The following FOXN3 variants were observed in gnomAD, a reference collection of about 807,000 sequenced individuals.
FOXN3 encodes forkhead box protein N3.
A neutral mutation model predicts 38.4 loss-of-function variants in FOXN3; 7 were observed. The observed-to-expected ratio is 0.18, with a 90% CI of 0.10 to 0.34. The LOEUF (loss-of-function observed/expected upper bound fraction) is 0.34. Ranked by LOEUF, FOXN3 falls within the 10% of genes least tolerant of loss-of-function variation. The pLI is 1.00. For synonymous variants in FOXN3, 230 were observed against 242.2 expected (o/e 0.95, Z 0.47); for missense variants, 456 against 613.4 (o/e 0.74, Z 2.71).
upstream of FOXN3, chr14:89,419,192 G>C (rs901968400): frequency 1.3e-5 from 6 of 455,960 alleles, no homozygotes; most frequent in Non-Finnish European, 2.6e-5. Context: ...GTGTCACCCT[G>C]AAGAGGAAGT....
intron 2 of FOXN3, among the ~76,000 whole-genome samples, chr14:89,369,901 T>C (rs1186818832): frequency 1.3e-5 from 2 of 152,216 alleles, no homozygotes; most frequent in Admixed American, 6.5e-5. Context: ...AACGAATTTG[T>C]CTAAGGTGAA....
chr14:89,555,838 G>GGTGGGT (rs1895104165), intron 1 of FOXN3, among the ~76,000 whole-genome samples: 2 of 89,620 alleles, frequency 2.2e-5, no homozygotes, highest in Non-Finnish European at 5.5e-5. Context: ...TCTAGTTCAT[G>GGTGGGT]GTGTGTGTGT....
intron 5 of FOXN3, among the ~76,000 whole-genome samples, chr14:89,176,794 C>T (rs773687987): frequency 3.9e-5 from 6 of 152,152 alleles, no homozygotes; most frequent in Non-Finnish European, 5.9e-5. Flanking sequence ...GTTTGTGTTC[C>T]TTCTTTCCAA....
At chr14:89,380,998 C>A (rs1281320677) in intron 2 of FOXN3, among the ~76,000 whole-genome samples, 5 of 151,844 alleles carry the variant, frequency 3.3e-5, no homozygotes, top group African/African-American at 1.2e-4. Context: ...AAAAAGTAGC[C>A]AGGTGTGGTG....
At chr14:89,551,090 T>G (rs898455776) in intron 1 of FOXN3, among the ~76,000 whole-genome samples, 6 of 152,234 alleles carry the variant, frequency 3.9e-5, no homozygotes, top group African/African-American at 1.4e-4. Context: ...TGACATCCTT[T>G]GGTTCCTTGC....
Position 89,484,064 on chromosome 14 carries a change from C to T in FOXN3, c.-14-71574G>A, listed in dbSNP as rs909716086. Among the ~76,000 whole-genome samples the T allele has an allele frequency of 1.3e-5, 2 of 152,140 alleles. No homozygotes were observed. Among genetic ancestry groups the T allele is most frequent in the South Asian group, 2.1e-4 (1 of 4,822 alleles). ...CTTCATCTTACAGACAACCCTAAGA[C>T]GAAATGGCCTCATGTTGCATCTAGG... On this transcript the variant is annotated intron_variant, in intron 1 of 6. Transcript: ENST00000345097. The surrounding 1 kb of genome is among the most constrained non-coding windows in gnomAD (Gnocchi z 4.0).
chr14:89,329,881 A>C (rs1290612829), intron 3 of FOXN3, among the ~76,000 whole-genome samples: 4 of 136,476 alleles, frequency 2.9e-5, no homozygotes, highest in African/African-American at 1.1e-4. Context: ...AAAAAAAAAA[A>C]AAAAAAGAAT....
intron 1 of FOXN3, among the ~76,000 whole-genome samples, chr14:89,618,740 T>A (rs541053315): frequency 1.1e-3 from 160 of 152,044 alleles, no homozygotes; most frequent in Middle Eastern, 3.4e-3. Flanking sequence ...TTAAAAAAAA[T>A]TTTAAAAAGC....
chr14:89,178,919 C>T (rs1022401622), intron 5 of FOXN3, among the ~76,000 whole-genome samples: 2 of 152,196 alleles, frequency 1.3e-5, no homozygotes, highest in Admixed American at 6.5e-5. Flanking sequence ...AATAAAAATA[C>T]ATTGTTGCTC....
At chr14:89,460,120 C>T (rs1483965773) in intron 1 of FOXN3, among the ~76,000 whole-genome samples, 1 of 152,148 alleles carries the variant, frequency 6.6e-6, no homozygotes, top group Non-Finnish European at 1.5e-5. Flanking sequence ...AAGCAAGGAG[C>T]TTCTTTTTCT....
intron 4 of FOXN3, among the ~76,000 whole-genome samples, chr14:89,278,937 G>A (rs925253459): frequency 5.9e-5 from 9 of 151,912 alleles, no homozygotes; most frequent in South Asian, 4.1e-4. Context: ...ATCTTTATTC[G>A]TAAAATCTTG....
chr14:89,184,627 C>A (rs1490356291), intron 4 of FOXN3, among the ~76,000 whole-genome samples: 1 of 152,220 alleles, frequency 6.6e-6, no homozygotes, highest in African/African-American at 2.4e-5. Context: ...TTTGGCCTTG[C>A]CCCGTTACTG....
intron 1 of FOXN3, among the ~76,000 whole-genome samples, chr14:89,602,959 G>A (rs1228197271): frequency 2.0e-5 from 3 of 152,288 alleles, no homozygotes; most frequent in Non-Finnish European, 4.4e-5. Flanking sequence ...TGAAAAGTAA[G>A]GGTGGAATGA....
At chr14:89,261,858 G>A (rs1237338573) in intron 4 of FOXN3, among the ~76,000 whole-genome samples, 1 of 152,196 alleles carries the variant, frequency 6.6e-6, no homozygotes, top group Non-Finnish European at 1.5e-5. Flanking sequence ...AACCCAGGAG[G>A]TGGAGCTTGC....
At chr14:89,526,082 G>A (rs1894426940) in intron 1 of FOXN3, among the ~76,000 whole-genome samples, 1 of 150,880 alleles carries the variant, frequency 6.6e-6, no homozygotes, top group Non-Finnish European at 1.5e-5. Context: ...TCTATTCTTG[G>A]TAAAACCTGT....
chr14:89,547,111 G>A (rs1894903055), intron 1 of FOXN3, among the ~76,000 whole-genome samples: 1 of 152,228 alleles, frequency 6.6e-6, no homozygotes, highest in African/African-American at 2.4e-5. Context: ...ATAAAGAACA[G>A]AGGCTGGGCA....
Position 89,158,241 on chromosome 14 carries a change from CAGA to C in FOXN3, c.*4170_*4172del, listed in dbSNP as rs1195950970. 6.6e-6 allele frequency: 1 copy of C among 152,296 alleles called. No individual in the cohort carries two copies. Among genetic ancestry groups the C allele is most frequent in the Non-Finnish European group, 1.5e-5 (1 of 68,092 alleles). 9.4% of individuals were successfully genotyped at this position (152,296 alleles called of 1,614,324 possible). Reference sequence around the variant, plus strand: ...GTGGTGCAGAACTCTGAGCTGGGCACAGAAGGCCTCCACCTGGTTCTCACTCTA... The same window carrying C: ...GTGGTGCAGAACTCTGAGCTGGGCACAGGCCTCCACCTGGTTCTCACTCTA... On this transcript the variant is annotated 3_prime_UTR_variant, in exon 6 of 6. Transcript: ENST00000557258.
chr14:89,610,128 A>G (rs1334741439), intron 1 of FOXN3, among the ~76,000 whole-genome samples: 1 of 152,182 alleles, frequency 6.6e-6, no homozygotes, highest in Non-Finnish European at 1.5e-5. Flanking sequence ...AAACATCTAT[A>G]GTTGCAAGAC....
At chr14:89,198,861 C>T (rs1888163920) in intron 4 of FOXN3, among the ~76,000 whole-genome samples, 1 of 152,204 alleles carries the variant, frequency 6.6e-6, no homozygotes. Context: ...CAAACTATCT[C>T]CAATAGAACA....
Sources: allele counts gnomAD v4.1 joint callset (sites outside exome capture counted in the v4.1 genomes callset), GRCh38; gene constraint gnomAD v4.1.1; non-coding constraint Gnocchi (gnomAD v3.1); transcripts MANE v1.5; gene names NCBI Gene and HGNC (gene_info 2026-07-23, HGNC 2026-07-21).